RACGAP1: variants seen among roughly 807,000 people sequenced by gnomAD.
RACGAP1 encodes the protein rac GTPase-activating protein 1.
Under a neutral mutation model 78.1 loss-of-function variants are expected in RACGAP1, and 30 were observed. The observed-to-expected ratio is 0.38, with a 90% confidence interval of 0.29 to 0.52. RACGAP1 has a LOEUF of 0.52. Ranked by LOEUF, RACGAP1 falls within the 20% of genes least tolerant of loss-of-function variation. The pLI is 0.82. For synonymous variants in RACGAP1, 231 were observed against 264.8 expected, an observed-to-expected ratio of 0.87 and a Z score of 1.24; for missense variants, 587 against 777.1, an observed-to-expected ratio of 0.76 and a Z score of 2.91.
intron 1 of RACGAP1, among the ~76,000 whole-genome samples, chr12:50,032,175 G>C (rs3079841): frequency 0.067 from 9,981 of 148,876 alleles, 1,090 homozygotes; most frequent in African/African-American, 0.23. Context: ...AATAATAATA[G>C]TTATTTCCTA....
At chr12:50,008,221 A>G (rs1273431605) in intron 2 of RACGAP1, among the ~76,000 whole-genome samples, 7 of 147,460 alleles carry the variant, frequency 4.7e-5, no homozygotes, top group Non-Finnish European at 8.9e-5. Context: ...TTTTTGAGAC[A>G]GAGTTTCACT....
intron 2 of RACGAP1, among the ~76,000 whole-genome samples, chr12:50,015,253 T>G (rs1479544648): frequency 6.6e-6 from 1 of 152,068 alleles, no homozygotes; most frequent in African/African-American, 2.4e-5. Flanking sequence ...GTGATTCTTC[T>G]GCCTCAGCCT....
chr12:50,023,775 C>G (rs1378507370), intron 1 of RACGAP1, among the ~76,000 whole-genome samples: 1 of 151,992 alleles, frequency 6.6e-6, no homozygotes, highest in East Asian at 1.9e-4. Flanking sequence ...ACTAGTACAA[C>G]CTTTATGGAA....
intron 5 of RACGAP1, 47 bp downstream of exon 5, chr12:50,004,188 C>A: frequency 6.3e-7 from 1 of 1,575,416 alleles, no homozygotes; most frequent in Non-Finnish European, 8.7e-7. Context: ...CCTGGGGAAG[C>A]AGAGGTAAGA....
intron 1 of RACGAP1, chr12:50,018,483 T>C: frequency 8.2e-7 from 1 of 1,212,822 alleles, no homozygotes; most frequent in Non-Finnish European, 1.1e-6. Context: ...GGAGATGCCA[T>C]GGATTTAACA....
chr12:50,019,084 G>A (rs544285914), intron 1 of RACGAP1, among the ~76,000 whole-genome samples: 1 of 152,050 alleles, frequency 6.6e-6, no homozygotes, highest in East Asian at 1.9e-4. Context: ...TCTCTCAGTC[G>A]CTCAGTTCCA....
chr12:50,008,322 C>T (rs138586781), intron 2 of RACGAP1, among the ~76,000 whole-genome samples: 3,060 of 151,756 alleles, frequency 0.02, 97 homozygotes, highest in African/African-American at 0.071. Flanking sequence ...CCTCAGCCTC[C>T]TGAGTAGCTG....
At chr12:49,996,892 T>TAG in intron 10 of RACGAP1, 148 bp downstream of exon 10, 1 of 1,283,408 alleles carries the variant, frequency 7.8e-7, no homozygotes, top group Non-Finnish European at 9.9e-7. Context: ...AACAGGACTC[T>TAG]TCTACAAGTA....
rs756768906 is a variant in RACGAP1 at position 50,016,695 on chromosome 12, A to G, written c.21T>C (p.Asn7=). The part of the protein sequence containing the change: MDTMML[N]VRNLFEQLVR... ...CAAGCTGCTCAAACAGATTCCGCAC[A>G]TTCAGCATCATAGTATCCATCTTTC... The change falls in exon 2 of 17, where the codon AAT becomes AAC. Residue 7 remains asparagine, a synonymous_variant. Coordinates refer to ENST00000312377, the MANE Select transcript of RACGAP1 (RefSeq NM_001319999.2). The G allele has an allele frequency of 3.1e-6, 5 of 1,613,902 alleles. No individual in the cohort carries two copies. In the Admixed American group the frequency reaches 8.3e-5, roughly 27 times the overall value.
Position 50,001,178 on chromosome 12 carries a change from T to G in RACGAP1, c.624A>C (p.Val208=). The change falls in exon 7 of 17, where the codon GTA becomes GTC. Residue 208 remains valine, a synonymous_variant. Transcript: ENST00000312377. ...TTGGCCTGACTATTCTTACCTGGTC[T>G]ACTGCAGAGCCAATGGAACGAGTTT... ...VKKTRSIGSA[V]DQGNESIVAK... 1 of 1,599,864 alleles carries G rather than the reference T, an allele frequency of 6.3e-7. No individual in the cohort carries two copies. The highest frequency in any genetic ancestry group is 8.6e-7 in the Non-Finnish European group (1 of 1,167,114).
rs758372712 is a variant in RACGAP1, at chr12:49,990,699, G to A, written c.1808C>T (p.Thr603Ile). The change falls in exon 16 of 17, where the codon ACC becomes ATC. Residue 603 changes from threonine (T) to isoleucine (I), a missense_variant. Transcript: ENST00000312377. The stretch of plus-strand genomic sequence containing the variant: ...TTCTGCATACCTAGGAGTGTTCTTG[G>A]TGAGGGTGGAACGGACTCTCTGTGA... ...SLSQRVRSTL[T>I]KNTPRFGSKS... 6 of 1,612,418 alleles carry A rather than the reference G, an allele frequency of 3.7e-6. No homozygotes were observed. The South Asian group carries it at 5.5e-5, about 15-fold the overall frequency.
At chr12:50,000,488 C>A (rs889902611) in intron 7 of RACGAP1, among the ~76,000 whole-genome samples, 27 of 152,066 alleles carry the variant, frequency 1.8e-4, no homozygotes, top group Non-Finnish European at 1.5e-5. Flanking sequence ...TGATGTTTGG[C>A]TGGGTGCAGT....
chr12:50,015,617 C>G (rs2137592586), intron 2 of RACGAP1, among the ~76,000 whole-genome samples: 1 of 152,086 alleles, frequency 6.6e-6, no homozygotes, highest in South Asian at 2.1e-4. Flanking sequence ...CTGGCTAACA[C>G]AGCGAAACCC....
At chr12:49,994,930 G>A (rs2137270535) in intron 10 of RACGAP1, among the ~76,000 whole-genome samples, 1 of 152,046 alleles carries the variant, frequency 6.6e-6, no homozygotes, top group South Asian at 2.1e-4. Flanking sequence ...AAAAAATTGT[G>A]TATACTTTCA....
At chr12:49,995,086 C>T (rs1381881463) in intron 10 of RACGAP1, among the ~76,000 whole-genome samples, 1 of 152,080 alleles carries the variant, frequency 6.6e-6, no homozygotes, top group Non-Finnish European at 1.5e-5. Flanking sequence ...CGGTAGCTCA[C>T]GCCTGTAATC....
chr12:50,031,667 T>A, intron 2 of RACGAP1: 2 of 985,100 alleles, frequency 2.0e-6, no homozygotes, highest in Non-Finnish European at 2.4e-6. Context: ...GAACTTCCAG[T>A]GCCTCTTCAC....
chr12:50,030,044 C>G (rs1950317851), upstream of RACGAP1, among the ~76,000 whole-genome samples: 1 of 151,824 alleles, frequency 6.6e-6, no homozygotes. Flanking sequence ...GCTGAGACGA[C>G]AGGATCACTG....
At chr12:49,991,477 ATATT>A (rs1565654152) in intron 15 of RACGAP1, among the ~76,000 whole-genome samples, 2 of 36,964 alleles carry the variant, frequency 5.4e-5, no homozygotes, top group Middle Eastern at 0.012. Flanking sequence ...ATATATATAT[ATATT>A]TTTTTTTTTT....
At chr12:49,997,517 A>G (rs1198346237) in intron 9 of RACGAP1, among the ~76,000 whole-genome samples, 1 of 151,236 alleles carries the variant, frequency 6.6e-6, no homozygotes, top group Non-Finnish European at 1.5e-5. Flanking sequence ...CTTGTGATTC[A>G]CCCACCTCGA....
Sources: gnomAD v4.1 joint callset for allele counts (sites outside exome capture counted in the v4.1 genomes callset) on GRCh38, gnomAD v4.1.1 for gene constraint, MANE v1.5 for transcripts, NCBI Gene and HGNC (gene_info 2026-07-23, HGNC 2026-07-21) for gene names.